WDR48: variants seen among roughly 807,000 people sequenced by gnomAD.
WDR48 encodes WD repeat-containing protein 48.
Under a neutral mutation model 94.0 loss-of-function variants are expected in WDR48, and 22 were observed. That is an observed-to-expected ratio of 0.23 (90% confidence interval 0.17 to 0.33). WDR48 has a LOEUF of 0.33. Among genes scored for constraint, WDR48 ranks in the 10% least tolerant of loss-of-function variants. The pLI, the probability that WDR48 is intolerant of heterozygous loss-of-function variation, is 1.00. For missense variants in WDR48, 541 were observed against 813.8 expected (o/e 0.66, Z 4.08); for synonymous variants, 278 against 280.5 (o/e 0.99, Z 0.09).
intron 1 of WDR48, among the ~76,000 whole-genome samples, chr3:39,056,587 TC>T (rs1363276239): frequency 6.6e-6 from 1 of 152,148 alleles, no homozygotes; most frequent in African/African-American, 2.4e-5. Flanking sequence ...GAAAATAGGA[TC>T]CCTTTAAAGC....
Position 39,093,973 on chromosome 3 carries a change from C to A in WDR48, c.1845C>A (p.Ser615Arg), listed in dbSNP as rs772315071. ...INLDNESQTT[S>R]SSNNEKPGEQ... The stretch of plus-strand genomic sequence containing the variant: ...TGGATAATGAGTCTCAAACCACTAG[C>A]TCTTCTAATAATGAAAAACCAGGAG... The change falls in exon 18 of 19, where the codon AGC (serine) becomes AGA (arginine). Residue 615 changes from serine (S) to arginine (R), a missense_variant. By Grantham distance (110) the Ser-to-Arg change is moderately radical. Around this residue, in one of 5 missense-constraint regions of WDR48, gnomAD observed 109 missense variants for 195.5 expected, o/e 0.56. Transcript: ENST00000302313. 6.2e-7 allele frequency: 1 copy of A among 1,614,046 alleles called. No homozygotes were observed. The highest frequency in any genetic ancestry group is 1.7e-5 in the Admixed American group (1 of 60,000).
At chr3:39,063,687 A>C (rs557866746) in intron 2 of WDR48, among the ~76,000 whole-genome samples, 24 of 152,326 alleles carry the variant, frequency 1.6e-4, no homozygotes, top group Admixed American at 1.1e-3. Context: ...CCACACCTGC[A>C]ATCCCAACAA....
At chr3:39,093,001 T>G (rs367831073) in intron 17 of WDR48, among the ~76,000 whole-genome samples, 1 of 152,202 alleles carries the variant, frequency 6.6e-6, no homozygotes, top group Non-Finnish European at 1.5e-5. Flanking sequence ...TTTTTTGGTA[T>G]AATAGTTATT....
At chr3:39,087,893 CTT>C (rs1392492850) in intron 14 of WDR48, 4 of 468,006 alleles carry the variant, frequency 8.5e-6, no homozygotes, top group East Asian at 3.8e-5. Context: ...ACATTAATCT[CTT>C]TTATTAAAAT....
chr3:39,076,394 T>C (rs1312982234), intron 8 of WDR48, among the ~76,000 whole-genome samples: 2 of 152,178 alleles, frequency 1.3e-5, no homozygotes, highest in South Asian at 4.1e-4. Flanking sequence ...CACTCTGCAT[T>C]ATGAGTTCTG....
In WDR48 at chr3:39,085,616, T is replaced by C. The variant is rs781781482; in HGVS notation, c.1474+6T>C. 6.9e-6 allele frequency: 11 copies of C among 1,603,864 alleles called. No individual in the cohort carries two copies. In the South Asian group the frequency reaches 9.0e-5, roughly 13 times the overall value. On this transcript the variant is annotated splice_donor_region_variant and intron_variant, in intron 14 of 18. Coordinates refer to ENST00000302313, the MANE Select transcript of WDR48 (RefSeq NM_020839.4). ...GGAAAATGAAGTAAACCATGGTTAG[T>C]TTTTATATTCAGATAGTTGCATAAA...
intron 8 of WDR48, among the ~76,000 whole-genome samples, chr3:39,075,752 G>A (rs2034190993): frequency 6.6e-6 from 1 of 151,342 alleles, no homozygotes; most frequent in South Asian, 2.1e-4. Context: ...GGAGTGCAGT[G>A]ATGCGATCTC....
intron 1 of WDR48, among the ~76,000 whole-genome samples, chr3:39,059,396 A>G (rs1269876136): frequency 6.6e-6 from 1 of 152,244 alleles, no homozygotes; most frequent in Non-Finnish European, 1.5e-5. Context: ...AGCTGGGGGC[A>G]GTCAGTTTGA....
intron 5 of WDR48, among the ~76,000 whole-genome samples, chr3:39,067,297 G>T (rs541960233): frequency 6.6e-6 from 1 of 152,182 alleles, no homozygotes; most frequent in Admixed American, 6.5e-5. Flanking sequence ...AAGAGCTTTT[G>T]AGTTAATAGC....
chr3:39,094,603 A>G (rs1314073866), intron 18 of WDR48, 45 bp from the exon 19 acceptor site: 1 of 1,611,606 alleles, frequency 6.2e-7, no homozygotes, highest in Non-Finnish European at 8.5e-7. Flanking sequence ...AAGGTTTTAG[A>G]TATTAGAGAC....
intron 8 of WDR48, among the ~76,000 whole-genome samples, chr3:39,075,756 C>T (rs539243390): frequency 6.6e-6 from 1 of 151,244 alleles, no homozygotes; most frequent in South Asian, 2.1e-4. Context: ...TGCAGTGATG[C>T]GATCTCGGCT....
intron 17 of WDR48, among the ~76,000 whole-genome samples, chr3:39,091,916 A>G (rs1190363734): frequency 1.1e-4 from 16 of 152,238 alleles, no homozygotes; most frequent in Admixed American, 1.0e-3. Flanking sequence ...TCACGCCCAT[A>G]ATCCCAACAC....
rs1277750497 is a variant in WDR48, at chr3:39,079,784, T to C, written c.1149T>C (p.Asn383=). ...TATTAACCAAAGATACCAATAATAA[T>C]GTGGCATATTGGGATGTATTGAAGG... ...RHILTKDTNN[N]VAYWDVLKAC... The change falls in exon 11 of 19, where the codon AAT becomes AAC. Residue 383 remains asparagine, a synonymous_variant. Transcript: ENST00000302313. 3 of 1,556,036 alleles carry C rather than the reference T, an allele frequency of 1.9e-6. No individual in the cohort carries two copies. The highest frequency in any genetic ancestry group is 4.2e-5 in the Admixed American group (2 of 47,620).
intron 1 of WDR48, among the ~76,000 whole-genome samples, chr3:39,053,221 C>T (rs568662145): frequency 6.6e-6 from 1 of 152,304 alleles, no homozygotes; most frequent in African/African-American, 2.4e-5. Context: ...ATAATTAACA[C>T]CTAGGCTTTC....
rs978216703 is a variant in WDR48, at chr3:39,063,245, T to C, written c.189+55T>C. On this transcript the variant is annotated intron_variant, in intron 2 of 18. Transcript: ENST00000302313. ...CAAATTCTGGACAAATGGCTTTTACTGTCTAATATGACACTTTTCACAGTT... is the reference window on the plus strand; with the variant it reads ...CAAATTCTGGACAAATGGCTTTTACCGTCTAATATGACACTTTTCACAGTT... 3.1e-6 allele frequency: 5 copies of C among 1,589,422 alleles called. No individual in the cohort carries two copies. The African/African-American group carries it at 4.0e-5, about 13-fold the overall frequency.
intron 10 of WDR48, among the ~76,000 whole-genome samples, chr3:39,079,408 T>G (rs1025672520): frequency 6.6e-6 from 1 of 152,220 alleles, no homozygotes; most frequent in Non-Finnish European, 1.5e-5. Context: ...CTTTTCCCAG[T>G]GGATAAAGCT....
At chr3:39,077,976 G>A (rs924554180) in intron 9 of WDR48, 161 bp from the exon 10 acceptor site, 7 of 544,612 alleles carry the variant, frequency 1.3e-5, no homozygotes, top group African/African-American at 3.8e-5. Context: ...CTTTCTAAAC[G>A]ATGATAGATA....
chr3:39,075,778 C>G (rs1325132677), intron 8 of WDR48, among the ~76,000 whole-genome samples: 1 of 151,654 alleles, frequency 6.6e-6, no homozygotes, highest in African/African-American at 2.4e-5. Flanking sequence ...ACTGCAAGTT[C>G]CACCTCCCAG....
intron 2 of WDR48, among the ~76,000 whole-genome samples, chr3:39,064,242 C>T (rs977058423): frequency 1.3e-5 from 2 of 151,470 alleles, no homozygotes; most frequent in African/African-American, 4.9e-5. Context: ...TTCAGTGTCC[C>T]TCAAGGTACC....
Sources: allele counts gnomAD v4.1 joint callset (sites outside exome capture counted in the v4.1 genomes callset), GRCh38; gene constraint gnomAD v4.1.1; regional missense constraint gnomAD v4.1.1; transcripts MANE v1.5; gene names NCBI Gene and HGNC (gene_info 2026-07-23, HGNC 2026-07-21).